Variants in SPSB4 observed in about 807,000 individuals in gnomAD.
SPSB4 encodes SPRY domain-containing SOCS box protein 4.
SPSB4 carries 21 observed loss-of-function variants against 20.9 expected under a neutral mutation model. That is an observed-to-expected ratio of 1.01 (90% CI 0.71 to 1.45). The LOEUF is 1.45. SPSB4 is among the 40% of genes most tolerant of loss of function. The pLI is 0.00. For synonymous variants in SPSB4, 207 were observed against 183.8 expected (o/e 1.13, Z -1.02); for missense variants, 399 against 399.2 (o/e 1.00, Z 0.00).
intron 1 of SPSB4, among the ~76,000 whole-genome samples, chr3:141,056,447 T>A (rs1242026854): frequency 6.6e-6 from 1 of 152,164 alleles, no homozygotes; most frequent in African/African-American, 2.4e-5. Context: ...CTCCTTAGTA[T>A]CTCAAAAATG....
intron 2 of SPSB4, among the ~76,000 whole-genome samples, chr3:141,092,096 G>T (rs1938461555): frequency 6.6e-6 from 1 of 152,212 alleles, no homozygotes; most frequent in Admixed American, 6.5e-5. Context: ...TTTGTGGGAA[G>T]CAGAATGTCA....
At chr3:141,131,989 TC>T (rs1340024208) in intron 2 of SPSB4, among the ~76,000 whole-genome samples, 2 of 152,146 alleles carry the variant, frequency 1.3e-5, no homozygotes, top group African/African-American at 4.8e-5. Flanking sequence ...TTTTAGTCAT[TC>T]TTTTTTTTTC....
intron 2 of SPSB4, among the ~76,000 whole-genome samples, chr3:141,137,228 C>T (rs1282607460): frequency 2.6e-5 from 4 of 152,134 alleles, no homozygotes; most frequent in African/African-American, 4.8e-5. Flanking sequence ...TATCAGCTTA[C>T]GGAGATTTTG....
intron 2 of SPSB4, among the ~76,000 whole-genome samples, chr3:141,116,015 T>A (rs577596809): frequency 1.3e-5 from 2 of 152,222 alleles, no homozygotes; most frequent in South Asian, 4.1e-4. Context: ...ACACAATAAA[T>A]CCATTAGAAG....
At chr3:141,098,426 CATTT>C (rs1225296717) in intron 2 of SPSB4, among the ~76,000 whole-genome samples, 1 of 152,026 alleles carries the variant, frequency 6.6e-6, no homozygotes, top group Non-Finnish European at 1.5e-5. Context: ...AATGTCTTTC[CATTT>C]ATTCAGCTTT....
At chr3:141,105,278 G>A (rs947569389) in intron 2 of SPSB4, among the ~76,000 whole-genome samples, 3 of 152,194 alleles carry the variant, frequency 2.0e-5, no homozygotes, top group Admixed American at 6.5e-5. Context: ...AAAAGCATCC[G>A]CCTTGTGCAG....
intron 2 of SPSB4, among the ~76,000 whole-genome samples, chr3:141,103,663 C>T (rs939711831): frequency 1.3e-5 from 2 of 152,144 alleles, no homozygotes; most frequent in Admixed American, 1.3e-4. Context: ...GACAGGCACA[C>T]CAGCCGCAAC....
At chr3:141,132,108 GTA>G (rs1310477043) in intron 2 of SPSB4, 1 of 322,044 alleles carries the variant, frequency 3.1e-6, no homozygotes, top group Non-Finnish European at 6.0e-6. Context: ...TACTCAATGT[GTA>G]GTCTTTTATC....
intron 2 of SPSB4, among the ~76,000 whole-genome samples, chr3:141,119,341 G>T (rs1351302640): frequency 6.6e-6 from 1 of 152,224 alleles, no homozygotes; most frequent in African/African-American, 2.4e-5. Flanking sequence ...CATTGATTTT[G>T]TATCCTGAGA....
intron 2 of SPSB4, among the ~76,000 whole-genome samples, chr3:141,102,939 T>C (rs144317659): frequency 9.2e-5 from 14 of 152,226 alleles, no homozygotes; most frequent in Admixed American, 3.9e-4. Context: ...ACACTTGGAC[T>C]CCAGGACTCC....
chr3:141,124,937 C>T (rs950702508), intron 2 of SPSB4, among the ~76,000 whole-genome samples: 2 of 152,188 alleles, frequency 1.3e-5, no homozygotes, highest in Admixed American at 6.5e-5. Context: ...CCAGGTGACA[C>T]TGGTGCTGCC....
Position 141,146,097 on chromosome 3 carries a change from C to T in SPSB4, c.695-1045C>T, listed in dbSNP as rs530463891. 6.1e-4 allele frequency among the ~76,000 whole-genome samples: 93 copies of T among 151,740 alleles called. No homozygotes were observed. In the Middle Eastern group the frequency reaches 0.017, roughly 28 times the overall value. ...TCCACCACCCCCCTACCTGCCCCCA[C>T]CCTCTTCCAGAGCTGCCTCTGGTGC... On this transcript the variant is annotated intron_variant, in intron 2 of 2. Coordinates refer to ENST00000310546, the MANE Select transcript of SPSB4 (RefSeq NM_080862.3).
intron 2 of SPSB4, among the ~76,000 whole-genome samples, chr3:141,104,537 A>G (rs1246107781): frequency 3.9e-5 from 6 of 152,164 alleles, no homozygotes; most frequent in Non-Finnish European, 8.8e-5. Context: ...TGTTTTTGGC[A>G]GCTTAGATTC....
chr3:141,095,772 A>G (rs1187017644), intron 2 of SPSB4, among the ~76,000 whole-genome samples: 1 of 152,186 alleles, frequency 6.6e-6, no homozygotes, highest in Non-Finnish European at 1.5e-5. Context: ...GTACTGTCCC[A>G]GGATGAGGGA....
intron 1 of SPSB4, among the ~76,000 whole-genome samples, chr3:141,053,081 C>T (rs889064862): frequency 5.3e-5 from 8 of 152,148 alleles, no homozygotes; most frequent in African/African-American, 1.9e-4. Context: ...TGACCTTGGG[C>T]AAGTTCTCTA....
At chr3:141,079,933 G>T (rs193064550) in intron 2 of SPSB4, among the ~76,000 whole-genome samples, 2 of 152,288 alleles carry the variant, frequency 1.3e-5, no homozygotes, top group Admixed American at 6.5e-5. Context: ...AGGGCAGAGT[G>T]GGGGTGGTGA....
intron 2 of SPSB4, among the ~76,000 whole-genome samples, chr3:141,134,041 TTTTTTTTC>T (rs1939183310): frequency 1.4e-5 from 2 of 138,614 alleles, no homozygotes; most frequent in Non-Finnish European, 3.1e-5. Flanking sequence ...TTTTCTTTTT[TTTTTTTTC>T]TTTTTTCTTT....
At chr3:141,060,874 GAGT>G (rs1488547038) in intron 1 of SPSB4, among the ~76,000 whole-genome samples, 1 of 152,126 alleles carries the variant, frequency 6.6e-6, no homozygotes, top group Non-Finnish European at 1.5e-5. Context: ...AGTATACATT[GAGT>G]ATCTTTTCAA....
At chr3:141,090,446 G>T (rs1321388137) in intron 2 of SPSB4, among the ~76,000 whole-genome samples, 1 of 152,160 alleles carries the variant, frequency 6.6e-6, no homozygotes, top group Non-Finnish European at 1.5e-5. Flanking sequence ...GGAGGCTGGG[G>T]CTTGCAATTT....
Sources: allele counts gnomAD v4.1 joint callset (sites outside exome capture counted in the v4.1 genomes callset), GRCh38; gene constraint gnomAD v4.1.1; transcripts MANE v1.5; gene names NCBI Gene and HGNC (gene_info 2026-07-23, HGNC 2026-07-21).